DOCK2: variants seen among roughly 807,000 people sequenced by gnomAD.
DOCK2 encodes the protein dedicator of cytokinesis 2.
Under a neutral mutation model 248.9 loss-of-function variants are expected in DOCK2, and 87 were observed. That is an observed-to-expected ratio of 0.35 (90% confidence interval 0.29 to 0.42). The LOEUF (loss-of-function observed/expected upper bound fraction) is 0.42, where lower values mean the gene tolerates loss of function less well. Ranked by LOEUF, DOCK2 falls within the 10% of genes least tolerant of loss-of-function variation. The pLI is 1.00. For missense variants in DOCK2, 1,747 were observed against 2,300.2 expected (o/e 0.76, Z 4.92); for synonymous variants, 805 against 821.6 (o/e 0.98, Z 0.35).
At chr5:169,650,700 A>G (rs1043030953) in intron 1 of DOCK2, among the ~76,000 whole-genome samples, 3 of 152,110 alleles carry the variant, frequency 2.0e-5, no homozygotes, top group African/African-American at 7.2e-5. Context: ...GGAGTCAGTG[A>G]CCCAAGATGG....
At chr5:169,902,977 A>G (rs992653071) in intron 27 of DOCK2, among the ~76,000 whole-genome samples, 5 of 152,132 alleles carry the variant, frequency 3.3e-5, no homozygotes, top group Admixed American at 6.5e-5. Context: ...ACATGCCTGT[A>G]GTCCCAGCTA....
intron 27 of DOCK2, among the ~76,000 whole-genome samples, chr5:169,878,153 A>G (rs940201229): frequency 3.9e-5 from 6 of 152,280 alleles, no homozygotes; most frequent in African/African-American, 1.4e-4. Context: ...GGAAAAGTAG[A>G]GAAGGGAGTG....
chr5:170,008,247 T>TC (rs1057278094), intron 30 of DOCK2, among the ~76,000 whole-genome samples: 3 of 150,474 alleles, frequency 2.0e-5, no homozygotes, highest in Admixed American at 6.6e-5. Context: ...AACCTAAAAT[T>TC]CTCCTCCTCT....
intron 26 of DOCK2, among the ~76,000 whole-genome samples, chr5:169,814,963 A>G (rs1767976658): frequency 6.6e-6 from 1 of 152,192 alleles, no homozygotes; most frequent in African/African-American, 2.4e-5. Context: ...CCTCCTACCA[A>G]ATGAATAATT....
intron 34 of DOCK2, 85 bp from the exon 35 acceptor site, chr5:170,034,314 C>A: frequency 6.6e-7 from 1 of 1,526,342 alleles, no homozygotes; most frequent in South Asian, 1.2e-5. Flanking sequence ...ACTGATTTTG[C>A]ATGTGCTCCA....
At chr5:170,014,374 A>G (rs1413334037) in intron 32 of DOCK2, among the ~76,000 whole-genome samples, 2 of 152,198 alleles carry the variant, frequency 1.3e-5, no homozygotes, top group Admixed American at 6.5e-5. Context: ...TTATTTTTCA[A>G]AAATTAAAAG....
rs78992489 is a variant in DOCK2, at chr5:169,766,276, T to C, written c.2554+4651T>C. Among the ~76,000 whole-genome samples, 780 of 152,290 alleles carry C rather than the reference T, an allele frequency of 5.1e-3. 10 individuals carry two copies. The highest frequency in any genetic ancestry group is 0.018 in the African/African-American group (758 of 41,546). On this transcript the variant is annotated intron_variant, in intron 25 of 51. Transcript: ENST00000520908. ...TCTATTGTTCCGCTCTTTGCATCCA[T>C]GTGAACTCAATGTTTAGCTCTCACT...
chr5:169,681,501 A>G (rs112382617), intron 6 of DOCK2, among the ~76,000 whole-genome samples: 16 of 151,234 alleles, frequency 1.1e-4, no homozygotes, highest in African/African-American at 3.7e-4. Flanking sequence ...TGGGTGTTTC[A>G]GTTTAATACC....
At chr5:169,807,216 A>C (rs7708589) in intron 26 of DOCK2, among the ~76,000 whole-genome samples, 16,985 of 152,166 alleles carry the variant, frequency 0.11, 1,178 homozygotes, top group African/African-American at 0.2. Flanking sequence ...GGTGATGCTA[A>C]CTGTCAGCCA....
intron 27 of DOCK2, among the ~76,000 whole-genome samples, chr5:169,975,793 G>A (rs542618584): frequency 6.6e-6 from 1 of 152,158 alleles, no homozygotes; most frequent in Non-Finnish European, 1.5e-5. Flanking sequence ...TCTGTTCCTG[G>A]CTCTTCCCAA....
At chr5:170,003,097 A>C (rs1754897309) in intron 30 of DOCK2, among the ~76,000 whole-genome samples, 1 of 152,224 alleles carries the variant, frequency 6.6e-6, no homozygotes, top group Admixed American at 6.5e-5. Context: ...TTACAATTGG[A>C]GAAGACAGGG....
intron 27 of DOCK2, among the ~76,000 whole-genome samples, chr5:169,939,844 G>A (rs986941707): frequency 6.6e-6 from 1 of 152,152 alleles, no homozygotes; most frequent in Non-Finnish European, 1.5e-5. Flanking sequence ...TCTGTGTCAG[G>A]CACTGAATAA....
chr5:170,012,664 T>C (rs1468511314), intron 32 of DOCK2, among the ~76,000 whole-genome samples: 3 of 152,230 alleles, frequency 2.0e-5, no homozygotes, highest in Non-Finnish European at 4.4e-5. Context: ...CAGGGGTTAA[T>C]GGCATTTGTT....
At chr5:169,823,010 G>T (rs1768573291) in intron 26 of DOCK2, among the ~76,000 whole-genome samples, 1 of 152,146 alleles carries the variant, frequency 6.6e-6, no homozygotes, top group Non-Finnish European at 1.5e-5. Context: ...AAATAAACTA[G>T]AAAATCTAGA....
At chr5:169,833,929 C>T (rs559090177) in intron 26 of DOCK2, among the ~76,000 whole-genome samples, 1 of 152,116 alleles carries the variant, frequency 6.6e-6, no homozygotes, top group Non-Finnish European at 1.5e-5. Flanking sequence ...AGTAAGCTCA[C>T]AGGCCACAAG....
chr5:169,814,031 G>A, intron 26 of DOCK2, among the ~76,000 whole-genome samples: 1 of 152,188 alleles, frequency 6.6e-6, no homozygotes, highest in Non-Finnish European at 1.5e-5. Flanking sequence ...ATTGTTACAA[G>A]GAAGAACCAT....
intron 32 of DOCK2, among the ~76,000 whole-genome samples, chr5:170,011,944 A>G (rs1248202913): frequency 6.6e-6 from 1 of 152,208 alleles, no homozygotes; most frequent in African/African-American, 2.4e-5. Context: ...TTTCTTGTTA[A>G]ACAAGAAAAT....
chr5:169,744,223 C>T (rs964441784), intron 22 of DOCK2, among the ~76,000 whole-genome samples: 9 of 152,262 alleles, frequency 5.9e-5, no homozygotes, highest in Non-Finnish European at 1.0e-4. Context: ...CAGTCTGTGA[C>T]CTAGAGCAGA....
chr5:169,740,625 T>G (rs1258240624), intron 22 of DOCK2, among the ~76,000 whole-genome samples: 2 of 152,210 alleles, frequency 1.3e-5, no homozygotes, highest in Non-Finnish European at 2.9e-5. Flanking sequence ...GCTGGGGGTA[T>G]TCAATGAAGT....
Sources: gnomAD v4.1 joint callset for allele counts (sites outside exome capture counted in the v4.1 genomes callset) on GRCh38, gnomAD v4.1.1 for gene constraint, MANE v1.5 for transcripts, NCBI Gene and HGNC (gene_info 2026-07-23, HGNC 2026-07-21) for gene names.